TYR: variants seen among roughly 807,000 people sequenced by gnomAD.
TYR encodes the protein LB24-AB.
A neutral mutation model predicts 51.5 loss-of-function variants in TYR; 58 were observed. The observed-to-expected ratio is 1.13, with a 90% confidence interval of 0.91 to 1.40. TYR has a LOEUF of 1.40. Among genes scored for constraint, TYR ranks in the 40% most tolerant of loss-of-function variants. The probability of loss-of-function intolerance (pLI) is 0.00; values close to 1 mark genes in which losing one functional copy is unlikely to be tolerated. For missense variants in TYR, 732 were observed against 647.4 expected (o/e 1.13, Z -1.42); for synonymous variants, 263 against 235.2 (o/e 1.12, Z -1.08).
intron 3 of TYR, among the ~76,000 whole-genome samples, chr11:89,263,015 G>A (rs972075222): frequency 6.6e-5 from 10 of 151,760 alleles, no homozygotes; most frequent in African/African-American, 2.4e-4. Context: ...TATGGGGCCA[G>A]TATTATCCTG....
intron 2 of TYR, chr11:89,200,495 C>G (rs1306375176): frequency 1.3e-5 from 2 of 152,102 alleles, no homozygotes; most frequent in Admixed American, 6.6e-5. Flanking sequence ...ATAACTCTTA[C>G]AATATATGAA....
At position 89,281,603 on chromosome 11, in the gene TYR, A is replaced by G. The variant is rs375233862; in HGVS notation, c.1185-3170A>G. On this transcript the variant is annotated intron_variant, in intron 3 of 4. Transcript: ENST00000263321. ...CCTGGTAAGCAGATCTCAGCTATGT[A>G]CCTCTGGATGAACCCATCTCTCCAC... Among the ~76,000 whole-genome samples, 157 of 151,806 alleles carry G rather than the reference A, an allele frequency of 1.0e-3. 1 individual carries two copies. The highest frequency in any genetic ancestry group is 3.6e-3 in the African/African-American group (150 of 41,464).
chr11:89,241,987 A>C (rs1041966898), intron 3 of TYR, among the ~76,000 whole-genome samples: 1 of 151,962 alleles, frequency 6.6e-6, no homozygotes, highest in African/African-American at 2.4e-5. Context: ...TTTTGAACCC[A>C]GATTTTTTGA....
At chr11:89,227,210 T>A (rs1428072070) in intron 2 of TYR, among the ~76,000 whole-genome samples, 1 of 152,156 alleles carries the variant, frequency 6.6e-6, no homozygotes, top group Non-Finnish European at 1.5e-5. Flanking sequence ...CTTATTAAAA[T>A]TTTTCCCATT....
chr11:89,190,603 A>G (rs1391974605), intron 1 of TYR, among the ~76,000 whole-genome samples: 1 of 152,110 alleles, frequency 6.6e-6, no homozygotes, highest in African/African-American at 2.4e-5. Flanking sequence ...ATTTATCATT[A>G]AAAAAGAAAA....
rs190350933 is a variant in TYR, at chr11:89,214,585, G to C, written c.1037-13238G>C. The stretch of plus-strand genomic sequence containing the variant: ...ATTGTAAAGACACATGCACGTGTAT[G>C]TTTATTGCGGAACTATTTACAATAG... On this transcript the variant is annotated intron_variant, in intron 2 of 4. Coordinates refer to ENST00000263321, the MANE Select transcript of TYR (RefSeq NM_000372.5). Among the ~76,000 whole-genome samples, 18 of 152,284 alleles carry C rather than the reference G, an allele frequency of 1.2e-4. No homozygotes were observed. The East Asian group carries it at 2.1e-3, about 18-fold the overall frequency.
chr11:89,190,421 T>G (rs1943427727), intron 1 of TYR, among the ~76,000 whole-genome samples: 1 of 152,090 alleles, frequency 6.6e-6, no homozygotes, highest in Admixed American at 6.6e-5. Flanking sequence ...TTAACGAAAT[T>G]TCAATTATGT....
chr11:89,189,458 A>G (rs1209130619), intron 1 of TYR, among the ~76,000 whole-genome samples: 1 of 150,560 alleles, frequency 6.6e-6, no homozygotes, highest in African/African-American at 2.5e-5. Flanking sequence ...CAAAAAAAAA[A>G]GGGACAATAA....
chr11:89,261,526 T>C (rs1190161006), intron 3 of TYR, among the ~76,000 whole-genome samples: 1 of 152,082 alleles, frequency 6.6e-6, no homozygotes, highest in Non-Finnish European at 1.5e-5. Context: ...GAATTATAAA[T>C]ATGTATGCAC....
At chr11:89,287,624 AG>A (rs1190665507) in intron 4 of TYR, among the ~76,000 whole-genome samples, 2 of 151,956 alleles carry the variant, frequency 1.3e-5, no homozygotes, top group African/African-American at 4.8e-5. Flanking sequence ...TCAATATGAC[AG>A]GTAGAATTAA....
At chr11:89,215,873 G>T (rs1240850424) in intron 2 of TYR, among the ~76,000 whole-genome samples, 1 of 152,040 alleles carries the variant, frequency 6.6e-6, no homozygotes, top group Non-Finnish European at 1.5e-5. Context: ...TATTTATAAG[G>T]TGAAGATAAT....
At chr11:89,206,020 G>T (rs758364248) in intron 2 of TYR, among the ~76,000 whole-genome samples, 3 of 151,588 alleles carry the variant, frequency 2.0e-5, no homozygotes, top group Admixed American at 6.6e-5. Flanking sequence ...GTGATACAAA[G>T]AAATACATTC....
At chr11:89,205,037 A>G (rs1344621457) in intron 2 of TYR, among the ~76,000 whole-genome samples, 1 of 152,184 alleles carries the variant, frequency 6.6e-6, no homozygotes, top group Non-Finnish European at 1.5e-5. Flanking sequence ...AACAAATGAA[A>G]AAAATAGAAT....
intron 3 of TYR, among the ~76,000 whole-genome samples, chr11:89,264,902 T>C (rs1944508109): frequency 6.6e-6 from 1 of 152,064 alleles, no homozygotes. Context: ...AAGTGCCATT[T>C]CTCTTTCACT....
chr11:89,210,092 G>A (rs556378853), intron 2 of TYR, among the ~76,000 whole-genome samples: 60 of 152,248 alleles, frequency 3.9e-4, no homozygotes, highest in Non-Finnish European at 7.5e-4. Context: ...TCATCAGCAA[G>A]GCAACAAAAC....
At chr11:89,284,273 G>A (rs190143160) in intron 3 of TYR, among the ~76,000 whole-genome samples, 31 of 151,850 alleles carry the variant, frequency 2.0e-4, no homozygotes, top group African/African-American at 7.0e-4. Context: ...TTGGAGGTAA[G>A]CTCTGTCTCC....
intron 2 of TYR, among the ~76,000 whole-genome samples, chr11:89,221,976 G>A (rs1036940138): frequency 9.9e-5 from 15 of 152,192 alleles, no homozygotes; most frequent in African/African-American, 3.1e-4. Context: ...TATATGAGAT[G>A]ATTTATGTGC....
chr11:89,212,938 C>A (rs891086752), intron 2 of TYR, among the ~76,000 whole-genome samples: 1 of 152,102 alleles, frequency 6.6e-6, no homozygotes, highest in Non-Finnish European at 1.5e-5. Flanking sequence ...TGGAACGTAT[C>A]TCAAAATAAT....
intron 1 of TYR, among the ~76,000 whole-genome samples, chr11:89,189,742 T>A (rs1203019136): frequency 6.6e-6 from 1 of 152,070 alleles, no homozygotes; most frequent in African/African-American, 2.4e-5. Flanking sequence ...TATCTTCATT[T>A]GATAGATGAG....
Sources: gnomAD v4.1 joint callset for allele counts (sites outside exome capture counted in the v4.1 genomes callset) on GRCh38, gnomAD v4.1.1 for gene constraint, MANE v1.5 for transcripts, NCBI Gene and HGNC (gene_info 2026-07-23, HGNC 2026-07-21) for gene names.